The following MYH13 variants were observed in gnomAD, a reference collection of about 807,000 sequenced individuals.
MYH13 encodes myosin-13.
Under a neutral mutation model 232.1 loss-of-function variants are expected in MYH13, and 177 were observed. The ratio of observed to expected loss-of-function variants is 0.76; its 90% CI spans 0.67 to 0.86. The LOEUF is 0.86. MYH13 is among the 40% of genes least tolerant of loss of function. MYH13 has a pLI of 0.00. For synonymous variants in MYH13, 884 were observed against 923.5 expected (o/e 0.96, Z 0.78); for missense variants, 2,246 against 2,405.9 (o/e 0.93, Z 1.39).
chr17:10,305,211 G>C (rs1009685753), intron 37 of MYH13, among the ~76,000 whole-genome samples: 1 of 152,206 alleles, frequency 6.6e-6, no homozygotes, highest in Admixed American at 6.5e-5. Context: ...CCATGGGAGG[G>C]GGAGGGTGGC....
rs745387997 is a variant in MYH13, at chr17:10,362,283, A to G, written c.349-9T>C. 1.8e-5 allele frequency: 29 copies of G among 1,613,768 alleles called. No individual in the cohort carries two copies. The highest frequency in any genetic ancestry group is 2.4e-5 in the Non-Finnish European group (28 of 1,179,804). On this transcript the variant is annotated splice_polypyrimidine_tract_variant and intron_variant, in intron 4 of 40. Coordinates refer to ENST00000252172, the MANE Select transcript of MYH13 (RefSeq NM_003802.3). ...AAGAGGCCTGAGTAGGTCTGGGAAG[A>G]TCAGAACATTTATCATTTGGATCTC...
intron 20 of MYH13, among the ~76,000 whole-genome samples, chr17:10,331,361 G>A (rs764331153): frequency 6.6e-6 from 1 of 152,112 alleles, no homozygotes; most frequent in Non-Finnish European, 1.5e-5. Context: ...TGGATCTTTG[G>A]AGGCAGGCCA....
At chr17:10,334,871 T>C (rs1176357338) in intron 18 of MYH13, among the ~76,000 whole-genome samples, 1 of 151,912 alleles carries the variant, frequency 6.6e-6, no homozygotes, top group Non-Finnish European at 1.5e-5. Context: ...AGAGCAAGAC[T>C]CAGTCTCAAA....
chr17:10,328,756 C>A (rs2142243097), intron 21 of MYH13, among the ~76,000 whole-genome samples: 1 of 150,382 alleles, frequency 6.6e-6, no homozygotes, highest in East Asian at 2.0e-4. Context: ...CGGCTCACTG[C>A]AACCTCCGCC....
chr17:10,367,505 T>C (rs1032357684), intron 2 of MYH13, among the ~76,000 whole-genome samples: 9 of 152,038 alleles, frequency 5.9e-5, no homozygotes, highest in African/African-American at 2.2e-4. Flanking sequence ...CCCACCACCA[T>C]GCCCAGCTAA....
intron 1 of MYH13, among the ~76,000 whole-genome samples, chr17:10,372,617 G>T (rs953362603): frequency 6.6e-6 from 1 of 152,150 alleles, no homozygotes; most frequent in African/African-American, 2.4e-5. Context: ...TCAAATAATA[G>T]CTTAAGCAAT....
At position 10,322,284 on chromosome 17, in the gene MYH13, G is replaced by A. The variant is rs1307972362; in HGVS notation, c.2935-576C>T. 1.3e-5 allele frequency among the ~76,000 whole-genome samples: 2 copies of A among 151,996 alleles called. 1 individual carries two copies. The highest frequency in any genetic ancestry group is 2.9e-5 in the Non-Finnish European group (2 of 68,016). ...ATGGTGGTGGGCACCTGTAGTCCCA[G>A]CTACTCAGGAGGCTGAAACAGGAGA... On this transcript the variant is annotated intron_variant, in intron 23 of 40. Transcript: ENST00000252172.
At chr17:10,338,703 T>TTTTG (rs2071595656) in intron 18 of MYH13, among the ~76,000 whole-genome samples, 1 of 55,620 alleles carries the variant, frequency 1.8e-5, no homozygotes, top group Non-Finnish European at 4.1e-5. Flanking sequence ...TTTTTTTTTT[T>TTTTG]TTGTTTGTTT....
In MYH13 at chr17:10,343,785, AT is replaced by A; in HGVS notation, c.1894+14del. 4 of 1,569,820 alleles carry A rather than the reference AT, an allele frequency of 2.5e-6. No homozygotes were observed. The highest frequency in any genetic ancestry group is 8.6e-7 in the Non-Finnish European group (1 of 1,157,550). ...TAGAACGTCCCACAGAGGGAAAGAA[AT>A]GATAGAATTTTACCTGTCTCTGCAC... On this transcript the variant is annotated intron_variant, in intron 16 of 40. Coordinates refer to ENST00000252172, the MANE Select transcript of MYH13 (RefSeq NM_003802.3).
At chr17:10,336,508 C>T (rs983994129) in intron 18 of MYH13, among the ~76,000 whole-genome samples, 2 of 152,200 alleles carry the variant, frequency 1.3e-5, no homozygotes, top group Non-Finnish European at 2.9e-5. Context: ...TCAGGAGAGA[C>T]TGCCCTTCCC....
In MYH13 at chr17:10,330,559, C is replaced by T. The variant is rs748009096; in HGVS notation, c.2299-36G>A. Reference sequence around the variant, plus strand: ...AGACAGAGGAGCCTTGATCTTTTTCCCCAGCAGGCGTTCAGCCGGGCCCTT... The same window carrying T: ...AGACAGAGGAGCCTTGATCTTTTTCTCCAGCAGGCGTTCAGCCGGGCCCTT... On this transcript the variant is annotated intron_variant, in intron 20 of 40. Coordinates refer to ENST00000252172, the MANE Select transcript of MYH13 (RefSeq NM_003802.3). 3.8e-6 allele frequency: 6 copies of T among 1,576,216 alleles called. No individual in the cohort carries two copies. The South Asian group carries it at 7.0e-5, about 18-fold the overall frequency.
rs766304568 is a variant in MYH13, at chr17:10,350,629, G to C, written c.1071C>G (p.Ala357=). Residue 357 remains alanine, a synonymous_variant, in exon 12 of 41, where the codon GCC becomes GCG. Transcript: ENST00000252172. ...EKVGIYKLTG[A]VMHYGNMKFK... is the part of the protein sequence containing the mutation. ...ACTTCATGTTCCCATAATGCATCAC[G>C]GCTCCCGTCAGTTTGTAGATCCCGA... The C allele has an allele frequency of 1.2e-6, 2 of 1,613,554 alleles. No individual in the cohort carries two copies. The highest frequency in any genetic ancestry group is 2.7e-5 in the African/African-American group (2 of 74,738).
At position 10,304,587 on chromosome 17, in the gene MYH13, C is replaced by T. The variant is rs79076042; in HGVS notation, c.5467-1089G>A. 0.024 allele frequency among the ~76,000 whole-genome samples: 3,642 copies of T among 152,254 alleles called. 154 individuals are homozygous for T. Among genetic ancestry groups the T allele is most frequent in the African/African-American group, 0.083 (3,433 of 41,536 alleles). On this transcript the variant is annotated intron_variant, in intron 37 of 40. Coordinates refer to ENST00000252172, the MANE Select transcript of MYH13 (RefSeq NM_003802.3). This position sits in a 1 kb window ranked among gnomAD's most constrained non-coding sequence, Gnocchi z 5.3. ...AGATCAAGTAAGGCAGCAGGGATCA[C>T]GAAGAGAACCTGGGCCAGGAGTAGT... is the stretch of plus-strand genomic sequence containing the variant.
At chr17:10,335,437 G>A (rs1461938707) in intron 18 of MYH13, among the ~76,000 whole-genome samples, 1 of 152,106 alleles carries the variant, frequency 6.6e-6, no homozygotes, top group African/African-American at 2.4e-5. Context: ...GCTTCATCAG[G>A]TGGTTGAGGA....
At position 10,362,221 on chromosome 17, in the gene MYH13, C is replaced by A; in HGVS notation, c.402G>T (p.Val134=). ...VTVNPYKWLP[V]YKPEVVAAYR... ...AGGCAGCCACCACCTCGGGCTTGTA[C>A]ACCGGCAGCCACTTGTAGGGGTTGA... Residue 134 remains valine, a synonymous_variant, in exon 5 of 41, where the codon GTG becomes GTT. Coordinates refer to ENST00000252172, the MANE Select transcript of MYH13 (RefSeq NM_003802.3). 6.2e-7 allele frequency: 1 copy of A among 1,613,846 alleles called. No homozygotes were observed.
chr17:10,355,458 A>G (rs1411437784), intron 8 of MYH13, among the ~76,000 whole-genome samples: 2 of 152,166 alleles, frequency 1.3e-5, no homozygotes, highest in East Asian at 1.9e-4. Flanking sequence ...CATAAACTCA[A>G]TAATTCTGTC....
chr17:10,372,906 C>G (rs904228267), intron 1 of MYH13, 73 bp downstream of exon 1: 2 of 152,192 alleles, frequency 1.3e-5, no homozygotes, highest in Admixed American at 6.5e-5. Flanking sequence ...TGTCTTCCCC[C>G]CTTGACTGGT....
chr17:10,337,074 C>T (rs1449967430), intron 18 of MYH13, among the ~76,000 whole-genome samples: 2 of 152,082 alleles, frequency 1.3e-5, no homozygotes, highest in South Asian at 4.1e-4. Context: ...ACCACCACGC[C>T]AGGCTAATTT....
rs769838699 is a variant in MYH13, at chr17:10,345,508, A to C, written c.1372T>G (p.Phe458Val). ...QLDTKQPRQY[F>V]IGVLDIAGFE... is the part of the protein sequence containing the mutation. ...CCAGCAATGTCCAAGACCCCGATGAAGTACTGCCTGGGCTGCTTGGTGTCC... is the reference window on the plus strand; with the variant it reads ...CCAGCAATGTCCAAGACCCCGATGACGTACTGCCTGGGCTGCTTGGTGTCC... Residue 458 changes from phenylalanine (F) to valine (V), a missense_variant, in exon 14 of 41, where the codon TTC becomes GTC. Phe to Val is a conservative substitution (Grantham distance 50, BLOSUM62 -1). Coordinates refer to ENST00000252172, the MANE Select transcript of MYH13 (RefSeq NM_003802.3). 1.2e-5 allele frequency: 19 copies of C among 1,614,068 alleles called. No homozygotes were observed. The highest frequency in any genetic ancestry group is 1.4e-5 in the Non-Finnish European group (17 of 1,180,050).
Sources: gnomAD v4.1 joint callset for allele counts (sites outside exome capture counted in the v4.1 genomes callset) on GRCh38, gnomAD v4.1.1 for gene constraint, Gnocchi (gnomAD v3.1) non-coding constraint, MANE v1.5 for transcripts, NCBI Gene and HGNC (gene_info 2026-07-23, HGNC 2026-07-21) for gene names.